The following ORC4 variants were observed in gnomAD, a reference collection of about 807,000 sequenced individuals.
ORC4 encodes the protein origin recognition complex, subunit 4 homolog.
In ORC4, 55 loss-of-function variants were observed where a neutral mutation model predicts 63.9. The observed-to-expected ratio is 0.86, with a 90% CI of 0.69 to 1.08. The LOEUF is 1.08. Ranked by LOEUF, ORC4 falls within the 50% of genes least tolerant of loss-of-function variation. The probability of loss-of-function intolerance (pLI) is 0.00; values close to 1 mark genes in which losing one functional copy is unlikely to be tolerated. For synonymous variants in ORC4, 150 were observed against 168.5 expected (o/e 0.89, Z 0.85); for missense variants, 511 against 504.4 (o/e 1.01, Z -0.13).
intron 1 of ORC4, among the ~76,000 whole-genome samples, chr2:147,995,048 T>G (rs115778269): frequency 0.013 from 1,836 of 146,766 alleles, 43 homozygotes; most frequent in African/African-American, 0.044. Context: ...GCTCTGTGGA[T>G]TAAAGGATTG....
intron 1 of ORC4, among the ~76,000 whole-genome samples, chr2:147,992,040 C>T (rs777631308): frequency 6.6e-6 from 1 of 152,072 alleles, no homozygotes; most frequent in African/African-American, 2.4e-5. Flanking sequence ...AAATTTGCAA[C>T]GTATTTAGAA....
intron 8 of ORC4, among the ~76,000 whole-genome samples, chr2:147,950,505 G>T (rs182523950): frequency 6.6e-6 from 1 of 152,124 alleles, no homozygotes; most frequent in East Asian, 1.9e-4. Context: ...AGTGGCTCAC[G>T]CCTGTAATCC....
chr2:148,020,122 C>T (rs1295115349), intron 1 of ORC4, among the ~76,000 whole-genome samples: 1 of 152,166 alleles, frequency 6.6e-6, no homozygotes, highest in Non-Finnish European at 1.5e-5. Context: ...GGAAGCTCCA[C>T]TCAAGACTTC....
intron 1 of ORC4, among the ~76,000 whole-genome samples, chr2:148,016,628 C>T (rs1238358609): frequency 6.6e-6 from 1 of 152,194 alleles, no homozygotes; most frequent in Non-Finnish European, 1.5e-5. Context: ...AATGCTTCCA[C>T]AACCAGCAGG....
Position 148,012,231 on chromosome 2 carries a change from T to C in ORC4, c.-18+8402A>G, listed in dbSNP as rs576605523. Among the ~76,000 whole-genome samples the C allele has an allele frequency of 3.9e-5, 6 of 152,150 alleles. No individual in the cohort carries two copies. In the South Asian group the frequency reaches 1.0e-3, roughly 26 times the overall value. On this transcript the variant is annotated intron_variant, in intron 1 of 13. Coordinates refer to ENST00000392857, the MANE Select transcript of ORC4 (RefSeq NM_181741.4). ...TACTACAACGCTATAGTAACCAAAA[T>C]AGCACGATAGTGGCATAAAAACAGA...
chr2:148,006,117 C>T (rs1692613720), intron 1 of ORC4, among the ~76,000 whole-genome samples: 1 of 152,100 alleles, frequency 6.6e-6, no homozygotes, highest in African/African-American at 2.4e-5. Context: ...CTGACTACAC[C>T]AACCCTCCTC....
At chr2:147,998,541 T>C (rs573569508) in intron 1 of ORC4, among the ~76,000 whole-genome samples, 1 of 152,336 alleles carries the variant, frequency 6.6e-6, no homozygotes, top group East Asian at 1.9e-4. Context: ...TCTCTTTGAA[T>C]GTTTCTTTTT....
chr2:147,992,075 A>G (rs112719643), intron 1 of ORC4, among the ~76,000 whole-genome samples: 27 of 152,308 alleles, frequency 1.8e-4, no homozygotes, highest in African/African-American at 6.0e-4. Context: ...TTGGAAATGC[A>G]TTATATGATC....
intron 1 of ORC4, among the ~76,000 whole-genome samples, chr2:147,985,346 G>A (rs541189504): frequency 6.6e-6 from 1 of 152,154 alleles, no homozygotes; most frequent in East Asian, 1.9e-4. Context: ...ACAGGCGCCT[G>A]CCACCATGCC....
intron 4 of ORC4, among the ~76,000 whole-genome samples, chr2:147,959,810 A>C (rs1689482997): frequency 6.6e-6 from 1 of 152,142 alleles, no homozygotes; most frequent in South Asian, 2.1e-4. Flanking sequence ...CACCTGTCAT[A>C]CTACCAGTAA....
chr2:148,008,785 A>G (rs1291410888), intron 1 of ORC4, among the ~76,000 whole-genome samples: 1 of 152,010 alleles, frequency 6.6e-6, no homozygotes, highest in Non-Finnish European at 1.5e-5. Flanking sequence ...AGGGATTAGA[A>G]CCCCTTCCCA....
chr2:148,009,799 T>C (rs774537281), intron 1 of ORC4, among the ~76,000 whole-genome samples: 42 of 152,178 alleles, frequency 2.8e-4, no homozygotes, highest in Non-Finnish European at 5.3e-4. Context: ...TTCTCAAGGA[T>C]GGATCCTAAA....
intron 1 of ORC4, among the ~76,000 whole-genome samples, chr2:147,978,585 C>T (rs576731619): frequency 3.3e-4 from 51 of 152,262 alleles, no homozygotes; most frequent in South Asian, 1.5e-3. Context: ...TATCAGGGTC[C>T]GCAGTTGGGA....
chr2:147,984,889 CAA>C (rs1183209111), intron 1 of ORC4, among the ~76,000 whole-genome samples: 1 of 152,172 alleles, frequency 6.6e-6, no homozygotes, highest in East Asian at 1.9e-4. Context: ...TAAATAATCT[CAA>C]GACTCAATCA....
At chr2:147,958,566 T>C in intron 5 of ORC4, 183 bp from the exon 6 acceptor site, 1 of 584,508 alleles carries the variant, frequency 1.7e-6, no homozygotes, top group Non-Finnish European at 3.0e-6. Flanking sequence ...GGGATTAGAA[T>C]GATTAAAAAA....
At chr2:147,983,245 C>T (rs1241669745) in intron 1 of ORC4, among the ~76,000 whole-genome samples, 1 of 152,160 alleles carries the variant, frequency 6.6e-6, no homozygotes, top group Non-Finnish European at 1.5e-5. Context: ...AACTTATGTT[C>T]ACACAAAAAC....
upstream of ORC4, chr2:148,021,449 C>T: frequency 1.7e-6 from 1 of 571,862 alleles, no homozygotes; most frequent in South Asian, 1.5e-5. Flanking sequence ...AACACAGACC[C>T]TTTGCTGCTG....
In ORC4 at chr2:147,939,252, G is replaced by A; in HGVS notation, c.850-4C>T. The A allele has an allele frequency of 7.0e-6, 11 of 1,582,378 alleles. No individual in the cohort carries two copies. The highest frequency in any genetic ancestry group is 9.6e-6 in the Non-Finnish European group (11 of 1,151,426). ...TTACTCGATTTAAAGCAAGCATCTA[G>A]GGAAAGACAGATCAGAAAAACAATT... On this transcript the variant is annotated splice_polypyrimidine_tract_variant and splice_region_variant and intron_variant, in intron 10 of 13. Transcript: ENST00000392857.
At chr2:147,991,077 T>G (rs1219877812) in intron 1 of ORC4, among the ~76,000 whole-genome samples, 1 of 151,358 alleles carries the variant, frequency 6.6e-6, no homozygotes, top group Non-Finnish European at 1.5e-5. Flanking sequence ...GAGCTGGACT[T>G]TCACTCTGTC....
Sources: gnomAD v4.1 joint callset for allele counts (sites outside exome capture counted in the v4.1 genomes callset) on GRCh38, gnomAD v4.1.1 for gene constraint, MANE v1.5 for transcripts, NCBI Gene and HGNC (gene_info 2026-07-23, HGNC 2026-07-21) for gene names.